Variants in ST8SIA1 observed in about 807,000 individuals in gnomAD.
The protein encoded by ST8SIA1 is ST8 alpha-N-acetyl-neuraminide alpha-2,8-sialyltransferase 1, also known as alpha-N-acetylneuraminide alpha-2,8-sialyltransferase.
ST8SIA1 carries 16 observed loss-of-function variants against 35.9 expected under a neutral mutation model. The observed-to-expected ratio is 0.45, with a 90% CI of 0.30 to 0.68. The LOEUF is 0.68. Ranked by LOEUF, ST8SIA1 falls within the 30% of genes least tolerant of loss-of-function variation. The pLI is 0.09. For missense variants in ST8SIA1, 383 were observed against 453.6 expected, an observed-to-expected ratio of 0.84 and a Z score of 1.41; for synonymous variants, 170 against 169.6, an observed-to-expected ratio of 1.00 and a Z score of -0.02.
At position 22,334,286 on chromosome 12, in the gene ST8SIA1, G is replaced by C. The variant is rs1238540968; in HGVS notation, c.-54C>G. The C allele has an allele frequency of 4.8e-6, 7 of 1,464,440 alleles. No homozygotes were observed. The highest frequency in any genetic ancestry group is 4.6e-5 in the East Asian group (2 of 43,586). 90.7% of individuals were successfully genotyped at this position (1,464,440 alleles called of 1,614,324 possible). A position where few individuals can be genotyped will look rare whatever the true frequency, so the allele number is the denominator to read the frequency against. Reference sequence around the variant, plus strand: ...CCGGGGCCTCAGCACAAAGCTAGGCGAAGTGGCAGCGGAGGGTCCCCCACC... The same window carrying C: ...CCGGGGCCTCAGCACAAAGCTAGGCCAAGTGGCAGCGGAGGGTCCCCCACC... On this transcript the variant is annotated 5_prime_UTR_variant, in exon 1 of 5. Transcript: ENST00000396037.
intron 1 of ST8SIA1, among the ~76,000 whole-genome samples, chr12:22,309,753 A>G (rs1158939291): frequency 6.6e-6 from 1 of 152,128 alleles, no homozygotes. Context: ...TTTGAATCTC[A>G]TCATTCTTTA....
chr12:22,309,376 G>C lies in ST8SIA1; in HGVS notation c.237-22083C>G, dbSNP rs1382445513. 4.6e-5 allele frequency among the ~76,000 whole-genome samples: 7 copies of C among 152,148 alleles called. 1 individual carries two copies. The South Asian group carries it at 1.4e-3, about 32-fold the overall frequency. ...ACCGACTACAGAGTGGTTTTGGCCA[G>C]TCTATGGAGAATGCACAGTAAGGGT... On this transcript the variant is annotated intron_variant, in intron 1 of 4. Transcript: ENST00000396037.
At chr12:22,290,960 G>T (rs756728526) in intron 1 of ST8SIA1, among the ~76,000 whole-genome samples, 12 of 152,206 alleles carry the variant, frequency 7.9e-5, no homozygotes, top group Non-Finnish European at 1.3e-4. Flanking sequence ...TCAGTTGCGT[G>T]TGAGTTGAGT....
chr12:22,324,031 GA>G (rs1199472980), intron 1 of ST8SIA1, among the ~76,000 whole-genome samples: 5 of 151,438 alleles, frequency 3.3e-5, no homozygotes, highest in Non-Finnish European at 7.4e-5. Flanking sequence ...AAAAAAGAAA[GA>G]AAAAACCAAT....
At chr12:22,326,074 T>G in intron 1 of ST8SIA1, 1 of 483,718 alleles carries the variant, frequency 2.1e-6, no homozygotes, top group Non-Finnish European at 3.6e-6. Context: ...TTGGACCAAA[T>G]TAACCATAGA....
intron 1 of ST8SIA1, among the ~76,000 whole-genome samples, chr12:22,311,783 C>G (rs1394385318): frequency 2.0e-5 from 3 of 152,108 alleles, no homozygotes; most frequent in African/African-American, 7.2e-5. Flanking sequence ...CACGATCAAT[C>G]AGCAGAGTAC....
rs1315979045 is a variant in ST8SIA1 at position 22,197,698 on chromosome 12, T to C, written c.*3854A>G. 2.0e-5 allele frequency: 3 copies of C among 152,218 alleles called. No homozygotes were observed. The highest frequency in any genetic ancestry group is 7.2e-5 in the African/African-American group (3 of 41,452). The allele number at this position is 152,218 out of a possible 1,614,324, so 9.4% of individuals were successfully genotyped here. A position where few individuals can be genotyped will look rare whatever the true frequency, so the allele number is the denominator to read the frequency against. On this transcript the variant is annotated 3_prime_UTR_variant, in exon 5 of 5. Transcript: ENST00000396037. ...TTCAGTTATTTTCCATTTTAAGCCA[T>C]GTTGTCCAGATTGCTTCAGGTACAA...
intron 1 of ST8SIA1, among the ~76,000 whole-genome samples, chr12:22,328,293 C>T (rs999841223): frequency 1.3e-5 from 2 of 152,202 alleles, no homozygotes; most frequent in South Asian, 4.1e-4. Flanking sequence ...TGGTTCCACA[C>T]CTTCCTAAAC....
intron 2 of ST8SIA1, among the ~76,000 whole-genome samples, chr12:22,269,942 A>G (rs1865891938): frequency 6.6e-6 from 1 of 152,220 alleles, no homozygotes; most frequent in African/African-American, 2.4e-5. Context: ...TTTGGACCAC[A>G]TTACAGAAAT....
chr12:22,325,466 G>A (rs373447944), intron 1 of ST8SIA1: 2 of 702,060 alleles, frequency 2.8e-6, no homozygotes, highest in Non-Finnish European at 2.6e-6. Context: ...ACAGCTAGAA[G>A]ACAGTTCAAC....
intron 1 of ST8SIA1, among the ~76,000 whole-genome samples, chr12:22,289,187 T>TG (rs989543598): frequency 1.3e-5 from 2 of 152,166 alleles, no homozygotes; most frequent in African/African-American, 4.8e-5. Context: ...ATGCTAAATC[T>TG]GGGGGGAGGA....
chr12:22,233,035 C>A (rs1019764909), intron 4 of ST8SIA1, among the ~76,000 whole-genome samples: 1 of 151,888 alleles, frequency 6.6e-6, no homozygotes, highest in Non-Finnish European at 1.5e-5. Context: ...AGAAAAATAT[C>A]CAAAATGAAA....
chr12:22,334,394 T>G lies in ST8SIA1; in HGVS notation c.-162A>C. ...TCTTCGGCCCCGTCGGCCCCAAAGG[T>G]CAGCGCAAGGATTTTTTCAAATGCA... is the stretch of plus-strand genomic sequence containing the variant. On this transcript the variant is annotated 5_prime_UTR_variant, in exon 1 of 5. Transcript: ENST00000396037. 1.6e-6 allele frequency: 1 copy of G among 614,384 alleles called. No individual in the cohort carries two copies. The highest frequency in any genetic ancestry group is 2.9e-6 in the Non-Finnish European group (1 of 350,208). 38.1% of individuals were successfully genotyped at this position (614,384 alleles called of 1,614,324 possible). A position where few individuals can be genotyped will look rare whatever the true frequency, so the allele number is the denominator to read the frequency against.
intron 4 of ST8SIA1, 70 bp from the exon 5 acceptor site, chr12:22,202,108 G>A (rs2120605447): frequency 3.5e-6 from 5 of 1,413,688 alleles, no homozygotes; most frequent in African/African-American, 1.4e-5. Flanking sequence ...CCACTCTGTT[G>A]TCTTCTGGTG....
intron 1 of ST8SIA1, among the ~76,000 whole-genome samples, chr12:22,291,143 C>T (rs576350532): frequency 7.2e-4 from 110 of 152,232 alleles, no homozygotes; most frequent in Middle Eastern, 3.4e-3. Flanking sequence ...ATCAATTAAG[C>T]CAAGAAGCCC....
intron 1 of ST8SIA1, among the ~76,000 whole-genome samples, chr12:22,329,166 G>A (rs1005935965): frequency 1.3e-5 from 2 of 152,214 alleles, no homozygotes; most frequent in Admixed American, 1.3e-4. Context: ...AATCATGAGA[G>A]AGATGTATAC....
chr12:22,246,137 C>A (rs186601253), intron 4 of ST8SIA1, among the ~76,000 whole-genome samples: 376 of 152,270 alleles, frequency 2.5e-3, no homozygotes, highest in Non-Finnish European at 4.6e-3. Flanking sequence ...GTCAGAAGCT[C>A]CGGAGGCCTA....
intron 2 of ST8SIA1, among the ~76,000 whole-genome samples, chr12:22,281,819 C>CAAAAAA (rs11423875): frequency 9.7e-6 from 1 of 102,986 alleles, no homozygotes; most frequent in Non-Finnish European, 2.0e-5. Context: ...CTTGTCTCTA[C>CAAAAAA]AAAAAAAAAA....
chr12:22,258,809 G>A (rs1015484452), intron 2 of ST8SIA1, among the ~76,000 whole-genome samples: 49 of 152,198 alleles, frequency 3.2e-4, no homozygotes, highest in African/African-American at 1.1e-3. Flanking sequence ...CTATTAGGCT[G>A]GCAATTCCAG....
Sources: allele counts gnomAD v4.1 joint callset (sites outside exome capture counted in the v4.1 genomes callset), GRCh38; gene constraint gnomAD v4.1.1; transcripts MANE v1.5; gene names NCBI Gene and HGNC (gene_info 2026-07-23, HGNC 2026-07-21).